The following SIPA1L1 variants were observed in gnomAD, a reference collection of about 807,000 sequenced individuals.
SIPA1L1 encodes the protein signal induced proliferation associated 1 like 1.
SIPA1L1 carries 26 observed loss-of-function variants against 162.7 expected under a neutral mutation model. That is an observed-to-expected ratio of 0.16 (90% CI 0.12 to 0.22). The LOEUF (loss-of-function observed/expected upper bound fraction) is 0.22, where lower values mean the gene tolerates loss of function less well. SIPA1L1 is among the 10% of genes least tolerant of loss of function. SIPA1L1 has a pLI of 1.00. For synonymous variants in SIPA1L1, 829 were observed against 837.4 expected, an observed-to-expected ratio of 0.99 and a Z score of 0.17; for missense variants, 1,874 against 2,241.0, an observed-to-expected ratio of 0.84 and a Z score of 3.31.
intron 2 of SIPA1L1, among the ~76,000 whole-genome samples, chr14:71,387,477 G>C (rs1337483894): frequency 6.6e-6 from 1 of 151,910 alleles, no homozygotes; most frequent in Admixed American, 6.6e-5. Flanking sequence ...TTAGCTAAAG[G>C]TCACATCTTA....
At chr14:71,324,985 G>A (rs999904221) in intron 2 of SIPA1L1, among the ~76,000 whole-genome samples, 1 of 152,176 alleles carries the variant, frequency 6.6e-6, no homozygotes, top group African/African-American at 2.4e-5. Flanking sequence ...AGTAATCTGA[G>A]CCAGCAGAGA....
chr14:71,325,349 A>C (rs1025628460), intron 2 of SIPA1L1, among the ~76,000 whole-genome samples: 2 of 152,190 alleles, frequency 1.3e-5, no homozygotes, highest in African/African-American at 2.4e-5. Context: ...ATGATAGCTC[A>C]TTTATTTTTA....
chr14:71,443,674 C>T (rs1257004708), intron 2 of SIPA1L1, among the ~76,000 whole-genome samples: 3 of 152,132 alleles, frequency 2.0e-5, no homozygotes, highest in East Asian at 1.9e-4. Context: ...TTATGCTAAG[C>T]GGGTTAAGCA....
chr14:71,564,501 T>TTTTTTTTTTTC lies in SIPA1L1; in HGVS notation c.-302-23070_-302-23069insTTTTTTTTTTC, dbSNP rs1555459918. On this transcript the variant is annotated intron_variant, in intron 4 of 23. Transcript: ENST00000381232. ...TCGGCATTTTCTTTCTTTTTTTTTT[T>TTTTTTTTTTTC]CCGAGACAGAGTCTCACTCTGTCGC... is the stretch of plus-strand genomic sequence containing the variant. Among the ~76,000 whole-genome samples, 5 of 146,398 alleles carry TTTTTTTTTTTC rather than the reference T, an allele frequency of 3.4e-5. 1 individual carries two copies. The highest frequency in any genetic ancestry group is 7.5e-5 in the Non-Finnish European group (5 of 66,666).
intron 10 of SIPA1L1, among the ~76,000 whole-genome samples, chr14:71,669,580 G>T (rs909310248): frequency 1.3e-5 from 2 of 152,022 alleles, no homozygotes; most frequent in African/African-American, 2.4e-5. Context: ...AAAATAACAC[G>T]ATCAAATTAA....
chr14:71,632,414 G>A (rs955377986), intron 7 of SIPA1L1, among the ~76,000 whole-genome samples: 1 of 152,112 alleles, frequency 6.6e-6, no homozygotes, highest in Non-Finnish European at 1.5e-5. Flanking sequence ...TTTAAAACAG[G>A]AATCTCTCTA....
intron 2 of SIPA1L1, chr14:71,401,019 T>C (rs1398237967): frequency 2.0e-5 from 3 of 152,222 alleles, no homozygotes; most frequent in Non-Finnish European, 4.4e-5. Flanking sequence ...GAAGGAGCAG[T>C]GCTTCCAAAG....
At chr14:71,618,653 A>G in intron 5 of SIPA1L1, 104 bp from the exon 6 acceptor site, 1 of 1,009,436 alleles carries the variant, frequency 9.9e-7, no homozygotes, top group Non-Finnish European at 1.5e-6. Flanking sequence ...TTTACATTTT[A>G]TTGATAAAAT....
intron 2 of SIPA1L1, among the ~76,000 whole-genome samples, chr14:71,472,285 C>T (rs1384672128): frequency 6.6e-6 from 1 of 151,434 alleles, no homozygotes; most frequent in Non-Finnish European, 1.5e-5. Flanking sequence ...GTTATGTTAT[C>T]TGATTAAATC....
chr14:71,436,251 G>C (rs1024062967), intron 2 of SIPA1L1, among the ~76,000 whole-genome samples: 5 of 152,038 alleles, frequency 3.3e-5, no homozygotes, highest in Admixed American at 3.3e-4. Context: ...TGTCGTTTAT[G>C]GTAATTTTTG....
intron 2 of SIPA1L1, among the ~76,000 whole-genome samples, chr14:71,420,718 C>T (rs577821844): frequency 1.3e-5 from 2 of 151,918 alleles, no homozygotes; most frequent in South Asian, 4.1e-4. Context: ...TTCTGTCTGT[C>T]TTTCTCCTGC....
chr14:71,682,200 A>C (rs754141127), intron 12 of SIPA1L1, among the ~76,000 whole-genome samples: 5 of 152,172 alleles, frequency 3.3e-5, no homozygotes, highest in Admixed American at 6.5e-5. Context: ...CACTTCATAG[A>C]GTTGCTGTAA....
At chr14:71,651,801 G>A (rs2042639664) in intron 8 of SIPA1L1, among the ~76,000 whole-genome samples, 1 of 152,082 alleles carries the variant, frequency 6.6e-6, no homozygotes, top group African/African-American at 2.4e-5. Flanking sequence ...GTATAGCTAG[G>A]GTATCGTTAA....
intron 2 of SIPA1L1, among the ~76,000 whole-genome samples, chr14:71,510,554 A>C (rs2051062153): frequency 1.3e-5 from 2 of 152,124 alleles, no homozygotes; most frequent in South Asian, 4.1e-4. Context: ...TGTCTGTGAC[A>C]TTGCTCATAA....
At chr14:71,702,785 C>T (rs1157519013) in intron 15 of SIPA1L1, among the ~76,000 whole-genome samples, 1 of 152,166 alleles carries the variant, frequency 6.6e-6, no homozygotes, top group Non-Finnish European at 1.5e-5. Context: ...ACCTTCCTCC[C>T]CCTTGTTTAT....
At chr14:71,428,199 T>C (rs370704543) in intron 2 of SIPA1L1, among the ~76,000 whole-genome samples, 2 of 151,942 alleles carry the variant, frequency 1.3e-5, no homozygotes, top group South Asian at 2.1e-4. Context: ...GTTTGCCATG[T>C]TGGCCAGGCT....
At chr14:71,471,897 A>C (rs928415084) in intron 2 of SIPA1L1, among the ~76,000 whole-genome samples, 1 of 152,210 alleles carries the variant, frequency 6.6e-6, no homozygotes, top group African/African-American at 2.4e-5. Flanking sequence ...AAAAGATAGG[A>C]GTGCTAGAGA....
At chr14:71,595,978 C>CT (rs1287128964) in intron 5 of SIPA1L1, among the ~76,000 whole-genome samples, 3 of 152,162 alleles carry the variant, frequency 2.0e-5, no homozygotes, top group Non-Finnish European at 2.9e-5. Context: ...AAAATCTAAC[C>CT]TTTTGTCTTT....
chr14:71,594,798 G>T (rs760329325), intron 5 of SIPA1L1, among the ~76,000 whole-genome samples: 1 of 151,944 alleles, frequency 6.6e-6, no homozygotes, highest in Non-Finnish European at 1.5e-5. Flanking sequence ...TAATTCATTC[G>T]AAGGTAGCTC....
Sources: gnomAD v4.1 joint callset for allele counts (sites outside exome capture counted in the v4.1 genomes callset) on GRCh38, gnomAD v4.1.1 for gene constraint, MANE v1.5 for transcripts, NCBI Gene and HGNC (gene_info 2026-07-23, HGNC 2026-07-21) for gene names.